SOX6: variants seen among roughly 807,000 people sequenced by gnomAD.
SOX6 encodes the protein SRY-box transcription factor 6.
A neutral mutation model predicts 97.8 loss-of-function variants in SOX6; 11 were observed. That is an observed-to-expected ratio of 0.11 (90% CI 0.07 to 0.19). The LOEUF is 0.19. SOX6 is among the 10% of genes least tolerant of loss of function. The probability of loss-of-function intolerance (pLI) is 1.00; values close to 1 mark genes in which losing one functional copy is unlikely to be tolerated. For synonymous variants in SOX6, 360 were observed against 371.4 expected, an observed-to-expected ratio of 0.97 and a Z score of 0.35; for missense variants, 810 against 1,039.5, an observed-to-expected ratio of 0.78 and a Z score of 3.04.
chr11:16,109,226 G>C (rs1849169055), intron 7 of SOX6, among the ~76,000 whole-genome samples: 2 of 151,306 alleles, frequency 1.3e-5, no homozygotes, highest in African/African-American at 4.9e-5. Context: ...TTTGAGACAG[G>C]GTCTCACTCT....
intron 7 of SOX6, among the ~76,000 whole-genome samples, chr11:16,098,386 T>C (rs1349651456): frequency 1.3e-5 from 2 of 151,848 alleles, no homozygotes; most frequent in Non-Finnish European, 2.9e-5. Flanking sequence ...GCATTTTACA[T>C]GGAATATCTG....
chr11:16,410,473 G>C (rs1422134791), intron 1 of SOX6, among the ~76,000 whole-genome samples: 1 of 152,022 alleles, frequency 6.6e-6, no homozygotes, highest in East Asian at 1.9e-4. Context: ...ATATGAGCAA[G>C]GGGCCAGGCA....
intron 1 of SOX6, among the ~76,000 whole-genome samples, chr11:16,383,979 T>C (rs1857904066): frequency 1.3e-5 from 2 of 152,054 alleles, no homozygotes; most frequent in South Asian, 2.1e-4. Flanking sequence ...AATGTAGAGA[T>C]AAATAGCCTT....
intron 2 of SOX6, among the ~76,000 whole-genome samples, chr11:16,336,519 A>C (rs548290660): frequency 6.6e-6 from 1 of 152,226 alleles, no homozygotes; most frequent in East Asian, 1.9e-4. Context: ...ATCATCAATC[A>C]AACTCTCACC....
chr11:16,635,269 C>T (rs971935999), intron 3 of SOX6, among the ~76,000 whole-genome samples: 3 of 152,168 alleles, frequency 2.0e-5, no homozygotes, highest in Non-Finnish European at 4.4e-5. Context: ...TTCCTAGAGA[C>T]TTGTTGAATG....
intron 1 of SOX6, among the ~76,000 whole-genome samples, chr11:16,408,072 C>T (rs1263359091): frequency 6.6e-6 from 1 of 152,142 alleles, no homozygotes; most frequent in African/African-American, 2.4e-5. Flanking sequence ...GATCAACCAA[C>T]TCCTCTCACC....
At chr11:16,178,620 T>G (rs1190223035) in intron 6 of SOX6, among the ~76,000 whole-genome samples, 4 of 151,990 alleles carry the variant, frequency 2.6e-5, no homozygotes, top group African/African-American at 9.7e-5. Flanking sequence ...CTCATTTCTT[T>G]GCAAGGGAGT....
intron 6 of SOX6, among the ~76,000 whole-genome samples, chr11:16,152,256 A>G (rs1850478793): frequency 6.6e-6 from 1 of 152,124 alleles, no homozygotes; most frequent in South Asian, 2.1e-4. Flanking sequence ...TTGGAGGTCA[A>G]GCATATGCTG....
At chr11:16,424,801 G>A (rs1266672373) in intron 1 of SOX6, among the ~76,000 whole-genome samples, 1 of 152,246 alleles carries the variant, frequency 6.6e-6, no homozygotes, top group Non-Finnish European at 1.5e-5. Flanking sequence ...TATTTTGTGT[G>A]TCCCACAAGC....
At chr11:16,228,596 T>C (rs1035564795) in intron 4 of SOX6, among the ~76,000 whole-genome samples, 3 of 152,116 alleles carry the variant, frequency 2.0e-5, no homozygotes, top group Non-Finnish European at 2.9e-5. Context: ...CTCTACAACA[T>C]AAAAACTGAA....
intron 1 of SOX6, among the ~76,000 whole-genome samples, chr11:16,426,934 A>AAG (rs1554966628): frequency 6.6e-6 from 1 of 150,890 alleles, no homozygotes; most frequent in Non-Finnish European, 1.5e-5. Flanking sequence ...AAAAAAAAAA[A>AAG]AACTGGATCC....
chr11:16,000,378 C>G (rs1478956227), intron 13 of SOX6, among the ~76,000 whole-genome samples: 2 of 152,096 alleles, frequency 1.3e-5, no homozygotes, highest in East Asian at 3.9e-4. Context: ...TAAAAATTAC[C>G]TAGATGTATT....
chr11:16,366,084 C>A (rs1245982777), intron 1 of SOX6, among the ~76,000 whole-genome samples: 1 of 152,092 alleles, frequency 6.6e-6, no homozygotes, highest in African/African-American at 2.4e-5. Flanking sequence ...TAAAGCCAAG[C>A]ATTAACAAAT....
chr11:16,651,744 A>G (rs1467639598), intron 3 of SOX6, among the ~76,000 whole-genome samples: 3 of 152,180 alleles, frequency 2.0e-5, no homozygotes, highest in African/African-American at 7.2e-5. Context: ...CACCACTTCG[A>G]TTCAACATAG....
intron 9 of SOX6, among the ~76,000 whole-genome samples, chr11:16,077,049 G>A (rs1007348087): frequency 2.0e-5 from 3 of 152,012 alleles, no homozygotes; most frequent in Non-Finnish European, 4.4e-5. Context: ...CACCGCGCCC[G>A]GCCGGTACTA....
At chr11:16,560,016 C>G (rs775352338) in intron 4 of SOX6, among the ~76,000 whole-genome samples, 1 of 152,114 alleles carries the variant, frequency 6.6e-6, no homozygotes, top group Non-Finnish European at 1.5e-5. Context: ...CAGACTACAA[C>G]CATAGTTAGC....
intron 4 of SOX6, among the ~76,000 whole-genome samples, chr11:16,482,684 G>GA (rs35122121): frequency 0.17 from 26,304 of 152,010 alleles, 2,758 homozygotes; most frequent in Admixed American, 0.3. Context: ...GGTGTTCTTT[G>GA]AAAAAAGTAG....
chr11:16,644,970 T>C (rs1183593927), intron 3 of SOX6, among the ~76,000 whole-genome samples: 1 of 152,206 alleles, frequency 6.6e-6, no homozygotes, highest in Non-Finnish European at 1.5e-5. Flanking sequence ...ATCAGAGGGT[T>C]TAACAAAAGA....
chr11:16,493,393 G>A (rs940693444), intron 4 of SOX6, among the ~76,000 whole-genome samples: 1 of 152,208 alleles, frequency 6.6e-6, no homozygotes, highest in Non-Finnish European at 1.5e-5. Context: ...ACAGTGTGTT[G>A]TATAAGCATG....
Sources: gnomAD v4.1 joint callset for allele counts (sites outside exome capture counted in the v4.1 genomes callset) on GRCh38, gnomAD v4.1.1 for gene constraint, MANE v1.5 for transcripts, NCBI Gene and HGNC (gene_info 2026-07-23, HGNC 2026-07-21) for gene names.